The following FGF1 variants were observed in gnomAD, a reference collection of about 807,000 sequenced individuals.
FGF1 encodes the protein beta-endothelial cell growth factor.
In FGF1, 9 loss-of-function variants were observed where a neutral mutation model predicts 13.4. That is an observed-to-expected ratio of 0.67 (90% CI 0.40 to 1.17). The LOEUF is 1.17. FGF1 is among the 50% of genes most tolerant of loss of function. The probability of loss-of-function intolerance (pLI) is 0.01; values close to 1 mark genes in which losing one functional copy is unlikely to be tolerated. For synonymous variants in FGF1, 93 were observed against 79.0 expected (o/e 1.18, Z -0.94); for missense variants, 156 against 192.7 (o/e 0.81, Z 1.13).
chr5:142,618,393 C>T (rs2151888105), intron 1 of FGF1, among the ~76,000 whole-genome samples: 1 of 152,172 alleles, frequency 6.6e-6, no homozygotes, highest in Middle Eastern at 3.4e-3. Context: ...GAGATGTTTC[C>T]TCTAATAATT....
At chr5:142,606,085 T>C (rs1197286584) in intron 2 of FGF1, among the ~76,000 whole-genome samples, 2 of 151,962 alleles carry the variant, frequency 1.3e-5, no homozygotes, top group Non-Finnish European at 2.9e-5. Context: ...GTCCCTGCAC[T>C]TGGGGCTTCT....
rs571581784 is a variant in FGF1, at chr5:142,639,289, A to C, written c.-34-25128T>G. Reference sequence around the variant, plus strand: ...CAACCTAAGTGTCCATTTACAGATGAAATGGACACTTCATTTCATCTGTAT... The same window carrying C: ...CAACCTAAGTGTCCATTTACAGATGCAATGGACACTTCATTTCATCTGTAT... On this transcript the variant is annotated intron_variant, in intron 1 of 3. Coordinates refer to ENST00000337706, the MANE Select transcript of FGF1 (RefSeq NM_000800.5). 2.2e-3 allele frequency among the ~76,000 whole-genome samples: 335 copies of C among 152,148 alleles called. 7 individuals carry two copies. The highest frequency in any genetic ancestry group is 7.7e-3 in the African/African-American group (318 of 41,406).
chr5:142,648,182 A>G (rs192233295), intron 1 of FGF1, among the ~76,000 whole-genome samples: 1 of 152,328 alleles, frequency 6.6e-6, no homozygotes, highest in African/African-American at 2.4e-5. Context: ...TGTTCACACC[A>G]AGAGAACAAG....
intron 2 of FGF1, among the ~76,000 whole-genome samples, chr5:142,603,083 G>A (rs1213970920): frequency 2.0e-5 from 3 of 152,164 alleles, no homozygotes; most frequent in Non-Finnish European, 4.4e-5. Flanking sequence ...CCTAGGAATG[G>A]TTAGCTCTGA....
In FGF1 at chr5:142,620,512, A is replaced by G. The variant is rs17223534; in HGVS notation, c.-34-6351T>C. On this transcript the variant is annotated intron_variant, in intron 1 of 3. Transcript: ENST00000337706. Reference sequence around the variant, plus strand: ...GACTAAAGATAAAAGGGATTGCCACATAATAAGTGGATTAATTCAACAGAA... The same window carrying G: ...GACTAAAGATAAAAGGGATTGCCACGTAATAAGTGGATTAATTCAACAGAA... 5.7e-3 allele frequency among the ~76,000 whole-genome samples: 876 copies of G among 152,350 alleles called. 4 individuals are homozygous for G. Among genetic ancestry groups the G allele is most frequent in the African/African-American group, 0.02 (834 of 41,582 alleles).
chr5:142,695,607 A>G (rs1014970179), intron 2 of FGF1, among the ~76,000 whole-genome samples: 1 of 151,354 alleles, frequency 6.6e-6, no homozygotes, highest in African/African-American at 2.4e-5. Context: ...AAAAGAAAGA[A>G]AAAGAAAAAA....
At chr5:142,642,921 A>G (rs532136411) in intron 1 of FGF1, among the ~76,000 whole-genome samples, 1 of 152,318 alleles carries the variant, frequency 6.6e-6, no homozygotes, top group Non-Finnish European at 1.5e-5. Context: ...CATAGCCTAG[A>G]GTATGGAATA....
chr5:142,661,770 A>C (rs866044277), intron 1 of FGF1, among the ~76,000 whole-genome samples: 1 of 152,118 alleles, frequency 6.6e-6, no homozygotes, highest in African/African-American at 2.4e-5. Flanking sequence ...TTGGGAGGCC[A>C]AGGCGGGCAG....
At chr5:142,696,618 C>T (rs952420251) in intron 2 of FGF1, among the ~76,000 whole-genome samples, 4 of 152,242 alleles carry the variant, frequency 2.6e-5, no homozygotes, top group South Asian at 2.1e-4. Flanking sequence ...AACAGAAGGA[C>T]GCAGGGGAGG....
At chr5:142,614,187 G>A in intron 1 of FGF1, 26 bp from the exon 2 acceptor site, 1 of 1,583,156 alleles carries the variant, frequency 6.3e-7, no homozygotes, top group Non-Finnish European at 8.6e-7. Flanking sequence ...CAAACCTGTA[G>A]TCGGTTCTTC....
At chr5:142,623,522 T>C (rs1761990775) in intron 1 of FGF1, among the ~76,000 whole-genome samples, 1 of 151,558 alleles carries the variant, frequency 6.6e-6, no homozygotes, top group African/African-American at 2.4e-5. Flanking sequence ...ATTTTTGCAT[T>C]CTTTTAGTAG....
intron 1 of FGF1, among the ~76,000 whole-genome samples, chr5:142,617,790 A>G (rs1760573972): frequency 6.6e-6 from 1 of 152,192 alleles, no homozygotes; most frequent in African/African-American, 2.4e-5. Context: ...GGGGCATGAA[A>G]AGCCCTTATT....
At chr5:142,610,910 A>G (rs555772585) in intron 2 of FGF1, among the ~76,000 whole-genome samples, 16 of 152,348 alleles carry the variant, frequency 1.1e-4, no homozygotes, top group African/African-American at 3.6e-4. Flanking sequence ...ACATTTGCCC[A>G]GGAATGATCA....
intron 1 of FGF1, among the ~76,000 whole-genome samples, chr5:142,637,750 G>C (rs1210822121): frequency 1.3e-5 from 2 of 152,078 alleles, no homozygotes; most frequent in Non-Finnish European, 2.9e-5. Context: ...CAGATGACTG[G>C]ACACATTGTC....
chr5:142,683,821 C>CAA lies in FGF1; in HGVS notation c.-35+2134_-35+2135dup, dbSNP rs768317949. ...GAGCAACAAGAGTGAAACTCTGTCT[C>CAA]AAAAAAAAAAAAAAAAAAAAAAGGA... On this transcript the variant is annotated intron_variant, in intron 1 of 3. Transcript: ENST00000337706. Among the ~76,000 whole-genome samples the CAA allele has an allele frequency of 5.7e-3, 281 of 49,488 alleles. 7 individuals carry two copies. Among genetic ancestry groups the CAA allele is most frequent in the African/African-American group, 0.02 (226 of 11,540 alleles). The allele number at this position is 49,488 out of a possible 152,430, so 32.5% of individuals were successfully genotyped here.
At chr5:142,650,873 G>A (rs1597329319) in intron 1 of FGF1, among the ~76,000 whole-genome samples, 1 of 152,124 alleles carries the variant, frequency 6.6e-6, no homozygotes, top group Non-Finnish European at 1.5e-5. Context: ...GAGGGACATG[G>A]AGATTTCCTA....
chr5:142,660,532 C>G (rs1769024727), intron 1 of FGF1, among the ~76,000 whole-genome samples: 1 of 152,204 alleles, frequency 6.6e-6, no homozygotes, highest in South Asian at 2.1e-4. Context: ...GCCTCTGGCT[C>G]TCGTCTCAGC....
intron 2 of FGF1, among the ~76,000 whole-genome samples, chr5:142,607,468 C>T (rs535572697): frequency 1.3e-5 from 2 of 152,196 alleles, no homozygotes; most frequent in Admixed American, 6.5e-5. Flanking sequence ...TAGGGTACTT[C>T]ATTTTCCCCT....
In FGF1 at chr5:142,629,561, T is replaced by A. The variant is rs1762995690; in HGVS notation, c.-34-15400A>T. 2.6e-5 allele frequency among the ~76,000 whole-genome samples: 4 copies of A among 152,284 alleles called. No individual in the cohort carries two copies. The South Asian group carries it at 8.3e-4, about 32-fold the overall frequency. ...GCCTATCTAAGGAAGCCCTCCTGAC[T>A]TCCTTGTCCTCTATCTCAGACTGAA... On this transcript the variant is annotated intron_variant, in intron 1 of 3. Transcript: ENST00000337706.
Sources: allele counts gnomAD v4.1 joint callset (sites outside exome capture counted in the v4.1 genomes callset), GRCh38; gene constraint gnomAD v4.1.1; transcripts MANE v1.5; gene names NCBI Gene and HGNC (gene_info 2026-07-23, HGNC 2026-07-21).